Variants in LHFPL6 observed in about 807,000 individuals in gnomAD.
The protein encoded by LHFPL6 is LHFPL tetraspan subfamily member 6 protein.
A neutral mutation model predicts 20.6 loss-of-function variants in LHFPL6; 9 were observed. The observed-to-expected ratio is 0.44, with a 90% confidence interval of 0.26 to 0.76. LHFPL6 has a LOEUF of 0.76. Ranked by LOEUF, LHFPL6 falls within the 30% of genes least tolerant of loss-of-function variation. LHFPL6 has a pLI of 0.20. For synonymous variants in LHFPL6, 105 were observed against 98.7 expected, an observed-to-expected ratio of 1.06 and a Z score of -0.38; for missense variants, 218 against 253.5, an observed-to-expected ratio of 0.86 and a Z score of 0.95.
At chr13:39,580,068 G>C (rs1872234118) in intron 2 of LHFPL6, among the ~76,000 whole-genome samples, 1 of 152,090 alleles carries the variant, frequency 6.6e-6, no homozygotes, top group South Asian at 2.1e-4. Context: ...AGTTGACTTA[G>C]AACTCTAAAG....
chr13:39,397,092 G>C (rs544315508), intron 2 of LHFPL6, among the ~76,000 whole-genome samples: 136 of 152,026 alleles, frequency 8.9e-4, no homozygotes, highest in Non-Finnish European at 1.9e-3. Context: ...AAAACACCTA[G>C]TTAAAAATAT....
chr13:39,417,096 G>A (rs1344454132), intron 2 of LHFPL6, among the ~76,000 whole-genome samples: 1 of 152,134 alleles, frequency 6.6e-6, no homozygotes, highest in Non-Finnish European at 1.5e-5. Flanking sequence ...AGGTGGGATA[G>A]GCCAAGTTGC....
intron 2 of LHFPL6, among the ~76,000 whole-genome samples, chr13:39,528,107 A>G (rs1204175806): frequency 1.3e-5 from 2 of 152,142 alleles, no homozygotes; most frequent in African/African-American, 2.4e-5. Context: ...TTTTGCTAAG[A>G]AAAGAGATCT....
intron 2 of LHFPL6, among the ~76,000 whole-genome samples, chr13:39,451,481 T>C (rs1305417043): frequency 6.6e-6 from 1 of 152,188 alleles, no homozygotes; most frequent in Admixed American, 6.5e-5. Flanking sequence ...ACCTATTACA[T>C]AACCTAGCCA....
chr13:39,459,237 TGTGTTC>T, intron 2 of LHFPL6, among the ~76,000 whole-genome samples: 1 of 141,026 alleles, frequency 7.1e-6, no homozygotes, highest in Non-Finnish European at 1.6e-5. Context: ...TGTGTGTGTG[TGTGTTC>T]GTGTGTATTG....
chr13:39,393,759 T>A (rs946921843), intron 2 of LHFPL6, among the ~76,000 whole-genome samples: 1 of 152,166 alleles, frequency 6.6e-6, no homozygotes, highest in Non-Finnish European at 1.5e-5. Flanking sequence ...CATTTATTCA[T>A]TCATATATTT....
intron 2 of LHFPL6, among the ~76,000 whole-genome samples, chr13:39,568,317 C>G (rs2324341): frequency 0.35 from 53,100 of 151,454 alleles, 9,798 homozygotes; most frequent in African/African-American, 0.47. Context: ...TAAACTTAAG[C>G]AGGAAAAACA....
At chr13:39,489,057 TCCC>T (rs1868825128) in intron 2 of LHFPL6, among the ~76,000 whole-genome samples, 1 of 152,172 alleles carries the variant, frequency 6.6e-6, no homozygotes, top group Non-Finnish European at 1.5e-5. Flanking sequence ...ATTTAAGGAC[TCCC>T]ATCTCTCCTG....
intron 2 of LHFPL6, among the ~76,000 whole-genome samples, chr13:39,431,150 C>A (rs1593310427): frequency 6.6e-6 from 1 of 152,092 alleles, no homozygotes; most frequent in East Asian, 1.9e-4. Flanking sequence ...GTCAGCAAGA[C>A]CACGAACCCA....
intron 2 of LHFPL6, among the ~76,000 whole-genome samples, chr13:39,566,579 A>G (rs113274933): frequency 0.024 from 3,713 of 151,732 alleles, 157 homozygotes; most frequent in East Asian, 0.15. Context: ...GGTCTCTACA[A>G]AAAATTAGCT....
At chr13:39,546,032 C>A (rs762404510) in intron 2 of LHFPL6, among the ~76,000 whole-genome samples, 4 of 152,006 alleles carry the variant, frequency 2.6e-5, no homozygotes, top group African/African-American at 4.8e-5. Context: ...AGATGTGGAA[C>A]CTATGGATAT....
chr13:39,409,476 CA>C (rs202198938), intron 2 of LHFPL6, among the ~76,000 whole-genome samples: 3 of 151,498 alleles, frequency 2.0e-5, no homozygotes, highest in Non-Finnish European at 2.9e-5. Context: ...AACAAAAAAA[CA>C]AAAAAAACAT....
chr13:39,515,661 T>C lies in LHFPL6; in HGVS notation c.385+85171A>G, dbSNP rs117446172. Among the ~76,000 whole-genome samples, 1,436 of 152,300 alleles carry C rather than the reference T, an allele frequency of 9.4e-3. 15 individuals carry two copies. The highest frequency in any genetic ancestry group is 0.015 in the Non-Finnish European group (1,032 of 68,024). ...CCGACAGCAAAGCAGCTCCCAGCTA[T>C]CTGTGCTGGGGTAGGTGATTAACTG... On this transcript the variant is annotated intron_variant, in intron 2 of 3. Transcript: ENST00000379589.
At chr13:39,523,978 G>A (rs760578037) in intron 2 of LHFPL6, among the ~76,000 whole-genome samples, 2 of 152,120 alleles carry the variant, frequency 1.3e-5, no homozygotes, top group Non-Finnish European at 2.9e-5. Context: ...TTTGTATTAT[G>A]GAGCAATAGG....
At chr13:39,466,288 C>T (rs1404328478) in intron 2 of LHFPL6, among the ~76,000 whole-genome samples, 2 of 152,142 alleles carry the variant, frequency 1.3e-5, no homozygotes, top group Non-Finnish European at 2.9e-5. Context: ...AAATGGAACA[C>T]TAAGGCACAA....
intron 2 of LHFPL6, among the ~76,000 whole-genome samples, chr13:39,436,036 T>C (rs1045177852): frequency 5.3e-5 from 8 of 151,610 alleles, no homozygotes; most frequent in African/African-American, 1.7e-4. Flanking sequence ...TTAATAAATA[T>C]ATAAATATGT....
intron 2 of LHFPL6, among the ~76,000 whole-genome samples, chr13:39,576,855 A>C (rs1872133259): frequency 6.6e-6 from 1 of 152,146 alleles, no homozygotes; most frequent in Non-Finnish European, 1.5e-5. Context: ...TTGGGCTCTT[A>C]ATAATTTTTG....
intron 2 of LHFPL6, among the ~76,000 whole-genome samples, chr13:39,446,588 C>T (rs769046401): frequency 5.3e-5 from 8 of 151,928 alleles, no homozygotes; most frequent in Non-Finnish European, 1.0e-4. Context: ...CAATCAACGT[C>T]GTATCTGAGG....
At chr13:39,460,807 T>C (rs1243128044) in intron 2 of LHFPL6, among the ~76,000 whole-genome samples, 1 of 152,230 alleles carries the variant, frequency 6.6e-6, no homozygotes, top group East Asian at 1.9e-4. Flanking sequence ...CGTCCTTTCA[T>C]CTGTGCGTGT....
Sources: gnomAD v4.1 joint callset for allele counts (sites outside exome capture counted in the v4.1 genomes callset) on GRCh38, gnomAD v4.1.1 for gene constraint, MANE v1.5 for transcripts, NCBI Gene and HGNC (gene_info 2026-07-23, HGNC 2026-07-21) for gene names.